NTMT1: variants seen among roughly 807,000 people sequenced by gnomAD.
NTMT1 encodes N-terminal RCC1 methyltransferase.
NTMT1 carries 8 observed loss-of-function variants against 17.5 expected under a neutral mutation model. That is an observed-to-expected ratio of 0.46 (90% CI 0.27 to 0.82). The LOEUF is 0.82. Among genes scored for constraint, NTMT1 ranks in the 40% least tolerant of loss-of-function variants. The pLI, the probability that NTMT1 is intolerant of heterozygous loss-of-function variation, is 0.15. For missense variants in NTMT1, 221 were observed against 303.5 expected (o/e 0.73, Z 2.02); for synonymous variants, 128 against 126.8 (o/e 1.01, Z -0.06).
intron 1 of NTMT1, among the ~76,000 whole-genome samples, chr9:129,629,278 A>T (rs887535592): frequency 3.3e-5 from 5 of 152,170 alleles, no homozygotes; most frequent in Non-Finnish European, 7.3e-5. Context: ...CATAGCAGCC[A>T]CCAAACCCAG....
chr9:129,610,554 C>G (rs897763510), intron 1 of NTMT1, among the ~76,000 whole-genome samples: 1 of 151,872 alleles, frequency 6.6e-6, no homozygotes, highest in Admixed American at 6.6e-5. Context: ...GCCAGGAGGT[C>G]GCGCGGCCGG....
chr9:129,619,112 ATG>A (rs1830542746), intron 1 of NTMT1, among the ~76,000 whole-genome samples: 1 of 152,088 alleles, frequency 6.6e-6, no homozygotes, highest in Admixed American at 6.6e-5. Context: ...GGGTGAGTGA[ATG>A]TATGGATGGA....
upstream of NTMT1, among the ~76,000 whole-genome samples, chr9:129,625,638 G>GT (rs1202167470): frequency 2.6e-5 from 4 of 152,174 alleles, no homozygotes; most frequent in South Asian, 6.2e-4. Context: ...GGCCGAGGTG[G>GT]AAGCCTCGCT....
At position 129,620,670 on chromosome 9, in the gene NTMT1, T is replaced by A; in HGVS notation, c.-55+11492T>A. On this transcript the variant is annotated intron_variant, in intron 1 of 3. Transcript: ENST00000372486. The surrounding 1 kb of genome is among the most constrained non-coding windows in gnomAD (Gnocchi z 5.8). ...GGCATAGTCCAGCCCCAGGCCATAG[T>A]GCCCCGGGCGGGGCAGCGCGGTGCG... The A allele has an allele frequency of 8.7e-7, 1 of 1,145,976 alleles. No individual in the cohort carries two copies. Among genetic ancestry groups the A allele is most frequent in the Non-Finnish European group, 1.1e-6 (1 of 908,398 alleles). 71.0% of individuals were successfully genotyped at this position (1,145,976 alleles called of 1,614,324 possible). A position where few individuals can be genotyped will look rare whatever the true frequency, so the allele number is the denominator to read the frequency against.
At chr9:129,629,910 G>A (rs990134584) in intron 1 of NTMT1, among the ~76,000 whole-genome samples, 6 of 151,778 alleles carry the variant, frequency 4.0e-5, no homozygotes, top group African/African-American at 1.5e-4. Flanking sequence ...GGCCAGCCTG[G>A]GCCACATAGT....
chr9:129,617,643 T>C (rs1346194296), intron 1 of NTMT1, among the ~76,000 whole-genome samples: 1 of 152,232 alleles, frequency 6.6e-6, no homozygotes, highest in Non-Finnish European at 1.5e-5. Flanking sequence ...GCCTGATTGG[T>C]TGAACGTTCT....
upstream of NTMT1, among the ~76,000 whole-genome samples, chr9:129,624,321 C>T (rs1830831268): frequency 6.6e-6 from 1 of 152,142 alleles, no homozygotes; most frequent in African/African-American, 2.4e-5. Context: ...GAGCTTGGAT[C>T]AGAGCTGCCC....
chr9:129,634,690 C>T (rs1055210100), intron 3 of NTMT1: 15 of 225,540 alleles, frequency 6.7e-5, no homozygotes, highest in Admixed American at 1.1e-4. Context: ...AACAGCACAC[C>T]TCGAGCGCTG....
At chr9:129,623,830 T>TC (rs1351939196), upstream of NTMT1, among the ~76,000 whole-genome samples, 2 of 144,728 alleles carry the variant, frequency 1.4e-5, no homozygotes, top group Non-Finnish European at 3.0e-5. Context: ...TTTCTTTTCT[T>TC]TTTTTTTTTT....
chr9:129,610,307 C>G (rs892675262), intron 1 of NTMT1, among the ~76,000 whole-genome samples: 1 of 149,384 alleles, frequency 6.7e-6, no homozygotes, highest in East Asian at 2.0e-4. Context: ...CCCGCCCCCC[C>G]CCCACCGGCG....
Position 129,627,606 on chromosome 9 carries a change from C to A in NTMT1, c.-55+1311C>A, listed in dbSNP as rs536296383. ...AGGTTTAATGTCTTGTCTGTGCTTACACAGCAGGTGTGCAGAGCCAAGATT... is the reference window on the plus strand; with the variant it reads ...AGGTTTAATGTCTTGTCTGTGCTTAAACAGCAGGTGTGCAGAGCCAAGATT... On this transcript the variant is annotated intron_variant, in intron 1 of 3. Coordinates refer to ENST00000372483, the MANE Select transcript of NTMT1 (RefSeq NM_014064.4). Among the ~76,000 whole-genome samples, 84 of 152,352 alleles carry A rather than the reference C, an allele frequency of 5.5e-4. 1 individual carries two copies. The highest frequency in any genetic ancestry group is 1.9e-3 in the African/African-American group (81 of 41,584).
intron 1 of NTMT1, among the ~76,000 whole-genome samples, chr9:129,610,647 G>A (rs1830094402): frequency 1.3e-5 from 2 of 151,976 alleles, no homozygotes; most frequent in African/African-American, 4.8e-5. Flanking sequence ...TTCCGACCCT[G>A]GAGCGAGAGG....
intron 1 of NTMT1, among the ~76,000 whole-genome samples, chr9:129,618,360 AAGTT>A (rs1421731934): frequency 6.6e-6 from 1 of 152,170 alleles, no homozygotes; most frequent in Non-Finnish European, 1.5e-5. Context: ...AACCTAATAA[AAGTT>A]AGAGTAAGAA....
chr9:129,613,610 G>A lies in NTMT1; in HGVS notation c.-55+4432G>A. 2 of 1,613,982 alleles carry A rather than the reference G, an allele frequency of 1.2e-6. No individual in the cohort carries two copies. Among genetic ancestry groups the A allele is most frequent in the Non-Finnish European group, 1.7e-6 (2 of 1,179,990 alleles). On this transcript the variant is annotated intron_variant, in intron 1 of 3. Coordinates refer to the NTMT1 transcript ENST00000372486. The surrounding 1 kb of genome is among the most constrained non-coding windows in gnomAD (Gnocchi z 6.2). ...ACGCTCTGTTGGACTGCAGGAAAGAGGGCAGGGTGAGATCTCTGCCCAGGA... is the reference window on the plus strand; with the variant it reads ...ACGCTCTGTTGGACTGCAGGAAAGAAGGCAGGGTGAGATCTCTGCCCAGGA...
chr9:129,635,302 C>A lies in NTMT1; in HGVS notation c.510C>A (p.Ala170=), dbSNP rs1192117176. 6.2e-7 allele frequency: 1 copy of A among 1,613,682 alleles called. No individual in the cohort carries two copies. The part of the protein sequence containing the change: ...NGIIVIKDNM[A]QEGVILDDVD... ...TCATCGTCATCAAAGACAACATGGC[C>A]CAGGAGGGCGTGATTCTGGACGACG... The change falls in exon 4 of 4, where the codon GCC becomes GCA. Residue 170 remains alanine (A), a synonymous_variant. Coordinates refer to ENST00000372483, the MANE Select transcript of NTMT1 (RefSeq NM_014064.4).
chr9:129,631,588 G>A (rs1279580476), intron 1 of NTMT1, among the ~76,000 whole-genome samples: 1 of 152,150 alleles, frequency 6.6e-6, no homozygotes, highest in Non-Finnish European at 1.5e-5. Context: ...CGGTCTTCCC[G>A]GGCCACTCTC....
At chr9:129,622,565 C>G (rs1830765924), upstream of NTMT1, among the ~76,000 whole-genome samples, 1 of 152,102 alleles carries the variant, frequency 6.6e-6, no homozygotes, top group Admixed American at 6.5e-5. Flanking sequence ...TCATTTCTTT[C>G]AGGCAGTCTC....
At chr9:129,635,122 G>C (rs1673371461) in intron 3 of NTMT1, 86 bp from the exon 4 acceptor site, 1 of 1,478,546 alleles carries the variant, frequency 6.8e-7, no homozygotes, top group Non-Finnish European at 9.1e-7. Context: ...CAAATGAGGG[G>C]CTCAGCGGGG....
In NTMT1 at chr9:129,620,503, G is replaced by C. The variant is rs750800261; in HGVS notation, c.-55+11325G>C. On this transcript the variant is annotated intron_variant, in intron 1 of 3. Transcript: ENST00000372486. This position sits in a 1 kb window ranked among gnomAD's most constrained non-coding sequence, Gnocchi z 5.8. Reference sequence around the variant, plus strand: ...GCAGCCGCGGGTCGCTGCTGCGTCGGAAGTCTCCGTCGCCAGGGAGCCCCT... The same window carrying C: ...GCAGCCGCGGGTCGCTGCTGCGTCGCAAGTCTCCGTCGCCAGGGAGCCCCT... The C allele has an allele frequency of 7.0e-7, 1 of 1,428,784 alleles. No homozygotes were observed. Among genetic ancestry groups the C allele is most frequent in the African/African-American group, 1.5e-5 (1 of 68,116 alleles). 88.5% of individuals were successfully genotyped at this position (1,428,784 alleles called of 1,614,324 possible).
Sources: allele counts gnomAD v4.1 joint callset (sites outside exome capture counted in the v4.1 genomes callset), GRCh38; gene constraint gnomAD v4.1.1; non-coding constraint Gnocchi (gnomAD v3.1); transcripts MANE v1.5; gene names NCBI Gene and HGNC (gene_info 2026-07-23, HGNC 2026-07-21).